The following TET3 variants were observed in gnomAD, a reference collection of about 807,000 sequenced individuals.
TET3 encodes methylcytosine dioxygenase TET3.
A neutral mutation model predicts 141.4 loss-of-function variants in TET3; 19 were observed. That is an observed-to-expected ratio of 0.13 (90% confidence interval 0.09 to 0.20). TET3 has a LOEUF of 0.20. TET3 is among the 10% of genes least tolerant of loss of function. TET3 has a pLI of 1.00. For missense variants in TET3, 1,874 were observed against 2,356.9 expected, an observed-to-expected ratio of 0.80 and a Z score of 4.24; for synonymous variants, 1,043 against 980.9, an observed-to-expected ratio of 1.06 and a Z score of -1.18.
chr2:74,082,568 C>CT (rs1040964883), intron 6 of TET3, among the ~76,000 whole-genome samples: 2 of 150,512 alleles, frequency 1.3e-5, no homozygotes, highest in African/African-American at 2.5e-5. Context: ...AGAGGAAATA[C>CT]TTTTTTTTAT....
At chr2:74,006,086 A>T (rs1472460365) in intron 3 of TET3, among the ~76,000 whole-genome samples, 1 of 85,936 alleles carries the variant, frequency 1.2e-5, no homozygotes, top group African/African-American at 1.7e-4. Flanking sequence ...GACCACTGCA[A>T]AAAAAAAATG....
chr2:74,100,319 C>A, intron 11 of TET3, 74 bp from the exon 12 acceptor site: 1 of 1,450,568 alleles, frequency 6.9e-7, no homozygotes, highest in Non-Finnish European at 9.4e-7. Context: ...GGTCCATCCC[C>A]AGTCCCCGAC....
chr2:73,983,848 C>A (rs1683869423), upstream of TET3, among the ~76,000 whole-genome samples: 1 of 152,186 alleles, frequency 6.6e-6, no homozygotes, highest in Non-Finnish European at 1.5e-5. Context: ...ATGTCAGAGA[C>A]CCACCCTGCT....
chr2:74,125,233 C>T, the TET3 span, among the ~76,000 whole-genome samples: 1 of 152,154 alleles, frequency 6.6e-6, no homozygotes. Context: ...CTGCCTGCCT[C>T]GGCCTCCCAA....
the TET3 span, chr2:74,135,363 C>T: frequency 3.0e-6 from 2 of 673,814 alleles, no homozygotes; most frequent in South Asian, 1.9e-5. Flanking sequence ...AGACAAGACC[C>T]CTTTGGCCAA....
At chr2:73,983,825 T>C (rs1200625391), upstream of TET3, among the ~76,000 whole-genome samples, 1 of 152,184 alleles carries the variant, frequency 6.6e-6, no homozygotes, top group South Asian at 2.1e-4. Context: ...CCCGAGTGTG[T>C]GTGTGCGCGT....
At chr2:73,986,812 C>G (rs1254788699) in intron 2 of TET3, 106 bp downstream of exon 2, 2 of 1,064,966 alleles carry the variant, frequency 1.9e-6, no homozygotes, top group Non-Finnish European at 2.4e-6. Context: ...TCTCTCATTT[C>G]TGATCCTCTT....
At chr2:74,089,854 G>A in intron 7 of TET3, 43 bp from the exon 8 acceptor site, 1 of 1,608,098 alleles carries the variant, frequency 6.2e-7, no homozygotes, top group Non-Finnish European at 8.5e-7. Context: ...CCAGAACGAA[G>A]GGATATTGCA....
chr2:73,984,464 G>A (rs1286560719), upstream of TET3, among the ~76,000 whole-genome samples: 1 of 152,166 alleles, frequency 6.6e-6, no homozygotes, highest in East Asian at 1.9e-4. This position sits in a 1 kb window ranked among gnomAD's most constrained non-coding sequence, Gnocchi z 5.6. Flanking sequence ...GGTCAGTCGG[G>A]CCCGGCGCTC....
chr2:74,117,535 C>A, the TET3 span, among the ~76,000 whole-genome samples: 1 of 152,100 alleles, frequency 6.6e-6, no homozygotes, highest in Non-Finnish European at 1.5e-5. Context: ...CATGGGATTA[C>A]AGACCTTTTG....
At chr2:74,084,989 A>G (rs919190227) in intron 6 of TET3, among the ~76,000 whole-genome samples, 1 of 152,118 alleles carries the variant, frequency 6.6e-6, no homozygotes, top group Non-Finnish European at 1.5e-5. Flanking sequence ...GGAGGGGAGA[A>G]TGGAGAGTTC....
intron 3 of TET3, among the ~76,000 whole-genome samples, chr2:74,045,820 CT>C (rs1687583741): frequency 6.6e-6 from 1 of 152,226 alleles, no homozygotes; most frequent in African/African-American, 2.4e-5. Context: ...CAAAGCTCCT[CT>C]TTCCCTACCC....
chr2:74,072,901 C>G (rs1573854954), intron 4 of TET3, among the ~76,000 whole-genome samples: 1 of 152,334 alleles, frequency 6.6e-6, no homozygotes, highest in African/African-American at 2.4e-5. Context: ...TAAGGTTCAT[C>G]CTTGTAATAG....
chr2:74,125,013 CT>C, the TET3 span, among the ~76,000 whole-genome samples: 77,520 of 138,210 alleles, frequency 0.56, 23,322 homozygotes, highest in East Asian at 0.9. Flanking sequence ...AATTTTTTTT[CT>C]TTTTTTTTTT....
At chr2:74,048,538 A>T in intron 4 of TET3, 127 bp downstream of exon 4, 1 of 1,059,098 alleles carries the variant, frequency 9.4e-7, no homozygotes, top group Non-Finnish European at 1.3e-6. Flanking sequence ...GGTTCTGGGA[A>T]CACAGAAATG....
At chr2:74,061,582 G>T (rs1688572307) in intron 4 of TET3, among the ~76,000 whole-genome samples, 1 of 144,084 alleles carries the variant, frequency 6.9e-6, no homozygotes. Context: ...GGGGCGGCTG[G>T]CCGGGCGGGG....
rs771534942 is a variant in TET3 at position 74,100,522 on chromosome 2, A to G, written c.3734A>G (p.Asn1245Ser). The change falls in exon 12 of 12, where the codon AAC (asparagine) becomes AGC (serine). Residue 1245 changes from asparagine to serine, a missense_variant. This residue lies in a region of TET3 where 602 missense variants were observed against 590.2 expected (regional missense o/e 1.02). Coordinates refer to ENST00000409262, the MANE Select transcript of TET3 (RefSeq NM_001287491.2). ...AVVESYSVLG[N>S]CRPSDPYSMN... ...GTGGAGAGCTACTCGGTGCTGGGCA[A>G]CTGCCGGCCCTCCGACCCTTACAGC... 2.2e-5 allele frequency: 35 copies of G among 1,609,460 alleles called. No homozygotes were observed. The highest frequency in any genetic ancestry group is 4.0e-5 in the African/African-American group (3 of 74,824).
chr2:74,117,758 T>A, the TET3 span, among the ~76,000 whole-genome samples: 11 of 122,168 alleles, frequency 9.0e-5, no homozygotes, highest in Non-Finnish European at 1.5e-4. Context: ...TTATATATAT[T>A]TTTTTATAAC....
chr2:74,063,893 C>CAAAAAAAAAAA (rs70965781), intron 4 of TET3, among the ~76,000 whole-genome samples: 1 of 106,298 alleles, frequency 9.4e-6, no homozygotes. Flanking sequence ...TCTCTGCAGA[C>CAAAAAAAAAAA]AAAAAAAAAA....
Sources: allele counts gnomAD v4.1 joint callset (sites outside exome capture counted in the v4.1 genomes callset), GRCh38; gene constraint gnomAD v4.1.1; regional missense constraint gnomAD v4.1.1; non-coding constraint Gnocchi (gnomAD v3.1); transcripts MANE v1.5; gene names NCBI Gene and HGNC (gene_info 2026-07-23, HGNC 2026-07-21).